The following JAML variants were observed in gnomAD, a reference collection of about 807,000 sequenced individuals.
JAML encodes the protein junctional adhesion molecule-like.
A neutral mutation model predicts 39.3 loss-of-function variants in JAML; 25 were observed. The observed-to-expected ratio is 0.64, with a 90% CI of 0.46 to 0.89. The LOEUF is 0.89. Among genes scored for constraint, JAML ranks in the 40% least tolerant of loss-of-function variants. JAML has a pLI of 0.00. For missense variants in JAML, 440 were observed against 486.9 expected, an observed-to-expected ratio of 0.90 and a Z score of 0.91; for synonymous variants, 162 against 179.2, an observed-to-expected ratio of 0.90 and a Z score of 0.77.
chr11:118,214,915 A>C, intron 1 of JAML, 29 bp from the exon 2 acceptor site: 10 of 1,593,740 alleles, frequency 6.3e-6, no homozygotes, highest in Non-Finnish European at 8.6e-6. Flanking sequence ...AAATCACAAA[A>C]TCATGTCAAG....
In JAML at chr11:118,194,200, G is replaced by C. The variant is rs1209128427; in HGVS notation, c.*125C>G. On this transcript the variant is annotated 3_prime_UTR_variant, in exon 10 of 10. Coordinates refer to ENST00000356289, the MANE Select transcript of JAML (RefSeq NM_001098526.2). ...CCAAATTCTCCATCTTCAGTGTATT[G>C]ACCAAACAATGAGACAGGAGGACAG... 8 of 838,924 alleles carry C rather than the reference G, an allele frequency of 9.5e-6. No individual in the cohort carries two copies. Among genetic ancestry groups the C allele is most frequent in the Non-Finnish European group, 1.6e-5 (8 of 506,102 alleles). The allele number at this position is 838,924 out of a possible 1,614,324, so 52.0% of individuals were successfully genotyped here. A position where few individuals can be genotyped will look rare whatever the true frequency, so the allele number is the denominator to read the frequency against.
chr11:118,203,819 G>A (rs1948864421), intron 5 of JAML, 154 bp from the exon 6 acceptor site: 3 of 657,338 alleles, frequency 4.6e-6, no homozygotes, highest in Non-Finnish European at 8.2e-6. Flanking sequence ...ACAAAGTCAT[G>A]TACACACACA....
Position 118,222,673 on chromosome 11 carries a change from T to C in JAML, c.-21+2268A>G, listed in dbSNP as rs868293794. On this transcript the variant is annotated intron_variant, in intron 1 of 9. Coordinates refer to ENST00000356289, the MANE Select transcript of JAML (RefSeq NM_001098526.2). This position sits in a 1 kb window ranked among gnomAD's most constrained non-coding sequence, Gnocchi z 4.2. The stretch of plus-strand genomic sequence containing the variant: ...AAGACAGTGTAAATAACATAAAAAA[T>C]AAAGACAGTGTAAGTAAAGAATGTG... Among the ~76,000 whole-genome samples the C allele has an allele frequency of 6.6e-6, 1 of 152,136 alleles. No homozygotes were observed. Among genetic ancestry groups the C allele is most frequent in the African/African-American group, 2.4e-5 (1 of 41,442 alleles).
intron 1 of JAML, among the ~76,000 whole-genome samples, chr11:118,220,374 T>C (rs1793186): frequency 0.78 from 117,994 of 152,118 alleles, 46,353 homozygotes; most frequent in African/African-American, 0.9. Context: ...GCGAGAAGCC[T>C]CAAGAGAAAG....
intron 1 of JAML, among the ~76,000 whole-genome samples, chr11:118,217,729 C>A (rs1384810070): frequency 6.6e-6 from 1 of 152,160 alleles, no homozygotes; most frequent in Non-Finnish European, 1.5e-5. Context: ...ACAACAACCC[C>A]ATGAGGTTTT....
At chr11:118,216,380 A>G (rs987729130) in intron 1 of JAML, among the ~76,000 whole-genome samples, 1 of 152,098 alleles carries the variant, frequency 6.6e-6, no homozygotes, top group African/African-American at 2.4e-5. Flanking sequence ...AAAAAAAAAA[A>G]AAAAATTGAT....
At chr11:118,203,691 A>G (rs777074237) in intron 5 of JAML, 26 bp from the exon 6 acceptor site, 1 of 1,581,904 alleles carries the variant, frequency 6.3e-7, no homozygotes, top group South Asian at 1.1e-5. Flanking sequence ...AAAAAGTATG[A>G]TATTGTGAGG....
rs1030629532 is a variant in JAML, at chr11:118,201,301, A to G, written c.773-689T>C. On this transcript the variant is annotated intron_variant, in intron 6 of 9. Coordinates refer to ENST00000356289, the MANE Select transcript of JAML (RefSeq NM_001098526.2). ...ATGCAGCAAGTGAGAATTTGCCAGC[A>G]AAAGTTCTAAAGTTTAACCTAAGAC... 3.9e-5 allele frequency: 6 copies of G among 152,298 alleles called. No homozygotes were observed. The East Asian group carries it at 7.7e-4, about 20-fold the overall frequency. 9.4% of individuals were successfully genotyped at this position (152,298 alleles called of 1,614,324 possible).
intron 9 of JAML, 140 bp downstream of exon 9, chr11:118,196,595 A>C: frequency 1.4e-6 from 1 of 709,544 alleles, no homozygotes; most frequent in East Asian, 2.5e-5. Flanking sequence ...ATCCAGCAGA[A>C]CTTCAGTTTC....
intron 1 of JAML, among the ~76,000 whole-genome samples, chr11:118,215,385 G>A (rs544241977): frequency 6.8e-4 from 104 of 152,238 alleles, no homozygotes; most frequent in African/African-American, 2.5e-3. Context: ...AAGAGGTTGG[G>A]GGAGGGAACA....
chr11:118,200,387 A>C, intron 7 of JAML, 87 bp downstream of exon 7: 117 of 1,431,994 alleles, frequency 8.2e-5, no homozygotes, highest in Non-Finnish European at 1.0e-4. Flanking sequence ...TGGCATAAGT[A>C]GGGCCCTATC....
intron 5 of JAML, chr11:118,204,055 C>T (rs757760471): frequency 4.6e-6 from 1 of 218,664 alleles, no homozygotes; most frequent in Non-Finnish European, 9.4e-6. Context: ...CAGTTCTTTC[C>T]AGTCCATCCC....
At chr11:118,197,823 C>T in intron 8 of JAML, 175 bp downstream of exon 8, 1 of 602,040 alleles carries the variant, frequency 1.7e-6, no homozygotes, top group Non-Finnish European at 2.9e-6. Flanking sequence ...CGACCCCATG[C>T]ACTGTACTCC....
At chr11:118,200,390 G>T in intron 7 of JAML, 84 bp downstream of exon 7, 5 of 1,495,336 alleles carry the variant, frequency 3.3e-6, no homozygotes, top group Non-Finnish European at 4.6e-6. Flanking sequence ...CATAAGTAGG[G>T]CCCTATCACC....
rs1381085698 is a variant in JAML, at chr11:118,210,514, G to A, written c.397C>T (p.Leu133=). 1.2e-6 allele frequency: 2 copies of A among 1,614,096 alleles called. No homozygotes were observed. Among genetic ancestry groups the A allele is most frequent in the African/African-American group, 1.3e-5 (1 of 75,036 alleles). ...TTGGGCTCCTCTGGAAGCACATGCA[G>A]TACCACCGCCTTCTTGAACACCTGG... ...ESQVFKKAVV[L]HVLPEEPKEL... The change falls in exon 4 of 10, where the codon CTG becomes TTG. Residue 133 remains leucine, a synonymous_variant. Coordinates refer to ENST00000356289, the MANE Select transcript of JAML (RefSeq NM_001098526.2).
At chr11:118,199,522 C>T (rs756040847) in intron 7 of JAML, among the ~76,000 whole-genome samples, 4 of 151,884 alleles carry the variant, frequency 2.6e-5, no homozygotes, top group Non-Finnish European at 5.9e-5. Context: ...ACAAGGGAGT[C>T]GATCTGCACT....
At chr11:118,207,720 G>A (rs1948947522) in intron 4 of JAML, among the ~76,000 whole-genome samples, 1 of 152,000 alleles carries the variant, frequency 6.6e-6, no homozygotes, top group African/African-American at 2.4e-5. Flanking sequence ...ATTGTTAGGG[G>A]TTGGATCTAT....
At chr11:118,200,409 C>T in intron 7 of JAML, 65 bp downstream of exon 7, 6 of 1,583,596 alleles carry the variant, frequency 3.8e-6, no homozygotes, top group Non-Finnish European at 5.2e-6. Flanking sequence ...CCCTGTTCTA[C>T]TTTGGGGTAG....
intron 5 of JAML, 55 bp from the exon 6 acceptor site, chr11:118,203,720 G>A: frequency 6.8e-7 from 1 of 1,474,360 alleles, no homozygotes; most frequent in East Asian, 2.3e-5. Flanking sequence ...GGAGCGGGGA[G>A]CAGAGAAAAT....
Sources: gnomAD v4.1 joint callset for allele counts (sites outside exome capture counted in the v4.1 genomes callset) on GRCh38, gnomAD v4.1.1 for gene constraint, Gnocchi (gnomAD v3.1) non-coding constraint, MANE v1.5 for transcripts, NCBI Gene and HGNC (gene_info 2026-07-23, HGNC 2026-07-21) for gene names.